The following EPHA6 variants were observed in gnomAD, a reference collection of about 807,000 sequenced individuals.
EPHA6 encodes the protein ephrin type-A receptor 6.
Under a neutral mutation model 112.0 loss-of-function variants are expected in EPHA6, and 50 were observed. That is an observed-to-expected ratio of 0.45 (90% CI 0.36 to 0.56). The LOEUF is 0.56. Among genes scored for constraint, EPHA6 ranks in the 20% least tolerant of loss-of-function variants. EPHA6 has a pLI of 0.00. For synonymous variants in EPHA6, 529 were observed against 490.7 expected, an observed-to-expected ratio of 1.08 and a Z score of -1.03; for missense variants, 1,280 against 1,417.4, an observed-to-expected ratio of 0.90 and a Z score of 1.56.
intron 4 of EPHA6, among the ~76,000 whole-genome samples, chr3:97,229,930 A>G (rs900427258): frequency 1.4e-4 from 22 of 152,134 alleles, no homozygotes; most frequent in Admixed American, 3.9e-4. Context: ...GCAAAATAAA[A>G]CTTCTTAATA....
chr3:97,153,440 C>T (rs1008199669), intron 3 of EPHA6, among the ~76,000 whole-genome samples: 1 of 152,050 alleles, frequency 6.6e-6, no homozygotes, highest in African/African-American at 2.4e-5. Context: ...AATATAAAAG[C>T]AAAGTGATGC....
rs1205066451 is a variant in EPHA6 at position 97,009,314 on chromosome 3, A to G, written c.1114+21321A>G. Among the ~76,000 whole-genome samples, 3 of 152,152 alleles carry G rather than the reference A, an allele frequency of 2.0e-5. No individual in the cohort carries two copies. The East Asian group carries it at 5.8e-4, about 29-fold the overall frequency. On this transcript the variant is annotated intron_variant, in intron 3 of 17. Transcript: ENST00000389672. ...TGTCCCTGATCCTCTGGCTGGAGTTACTGGAGATCCTGCAGGGAAGTCCTG... is the reference window on the plus strand; with the variant it reads ...TGTCCCTGATCCTCTGGCTGGAGTTGCTGGAGATCCTGCAGGGAAGTCCTG...
intron 4 of EPHA6, among the ~76,000 whole-genome samples, chr3:97,230,076 A>G (rs1033106835): frequency 1.3e-5 from 2 of 152,128 alleles, no homozygotes; most frequent in Admixed American, 1.3e-4. Flanking sequence ...AGTTTGTGAT[A>G]TTTCAAATAG....
At chr3:97,207,829 G>T (rs2077754213) in intron 3 of EPHA6, among the ~76,000 whole-genome samples, 1 of 152,122 alleles carries the variant, frequency 6.6e-6, no homozygotes, top group African/African-American at 2.4e-5. Flanking sequence ...AACTGCTTTT[G>T]CAGAAGAGCT....
chr3:97,012,587 G>C (rs1056209856), intron 3 of EPHA6, among the ~76,000 whole-genome samples: 8 of 105,296 alleles, frequency 7.6e-5, no homozygotes, highest in African/African-American at 4.6e-4. Flanking sequence ...ATTTATATAT[G>C]TGTGTGTGTG....
rs182405777 is a variant in EPHA6, at chr3:96,880,352, G to A, written c.450+13463G>A. 2.6e-3 allele frequency among the ~76,000 whole-genome samples: 398 copies of A among 152,134 alleles called. 4 individuals are homozygous for A. Among genetic ancestry groups the A allele is most frequent in the African/African-American group, 9.3e-3 (386 of 41,500 alleles). The stretch of plus-strand genomic sequence containing the variant: ...ATCACAAATCTAAGAAAAGATGTGC[G>A]AGAACATTGCATTGAAAACTACAAA... On this transcript the variant is annotated intron_variant, in intron 2 of 17. Transcript: ENST00000389672.
At chr3:97,509,712 C>T (rs1178687940) in intron 10 of EPHA6, among the ~76,000 whole-genome samples, 2 of 152,048 alleles carry the variant, frequency 1.3e-5, no homozygotes, top group Non-Finnish European at 2.9e-5. Flanking sequence ...TTTTGTATTT[C>T]CTGAATTTGA....
chr3:97,553,462 C>A (rs544015018), intron 11 of EPHA6, among the ~76,000 whole-genome samples: 1 of 152,198 alleles, frequency 6.6e-6, no homozygotes, highest in East Asian at 1.9e-4. Flanking sequence ...TTCTGCATCA[C>A]TGGGGAGGGC....
intron 5 of EPHA6, among the ~76,000 whole-genome samples, chr3:97,390,003 A>G (rs1255614190): frequency 6.6e-6 from 1 of 152,110 alleles, no homozygotes; most frequent in Non-Finnish European, 1.5e-5. Context: ...ACTAGAGAAA[A>G]TGAGGGTAAA....
At chr3:97,372,631 G>A (rs1354283246) in intron 5 of EPHA6, among the ~76,000 whole-genome samples, 1 of 152,054 alleles carries the variant, frequency 6.6e-6, no homozygotes, top group African/African-American at 2.4e-5. Flanking sequence ...AACCAGATGT[G>A]CATGCATTAA....
At chr3:96,852,937 G>C (rs991886396) in intron 1 of EPHA6, among the ~76,000 whole-genome samples, 1 of 152,038 alleles carries the variant, frequency 6.6e-6, no homozygotes, top group Non-Finnish European at 1.5e-5. Context: ...AGGTGACTAG[G>C]ATATAACTGT....
intron 3 of EPHA6, among the ~76,000 whole-genome samples, chr3:97,043,350 G>T (rs1042553806): frequency 6.6e-6 from 1 of 152,038 alleles, no homozygotes; most frequent in Non-Finnish European, 1.5e-5. Flanking sequence ...TCTCTTTCTG[G>T]AACTTTATAA....
chr3:97,062,586 C>T (rs986169307), intron 3 of EPHA6, among the ~76,000 whole-genome samples: 2 of 152,164 alleles, frequency 1.3e-5, no homozygotes, highest in African/African-American at 4.8e-5. Context: ...TCCTATAATT[C>T]CCATGTGTTG....
chr3:97,032,954 C>T (rs1396112846), intron 3 of EPHA6, among the ~76,000 whole-genome samples: 1 of 151,544 alleles, frequency 6.6e-6, no homozygotes, highest in African/African-American at 2.4e-5. Context: ...AAATATTGTG[C>T]CAAAATCATG....
intron 7 of EPHA6, among the ~76,000 whole-genome samples, chr3:97,455,543 CTA>C (rs1679204314): frequency 6.6e-6 from 1 of 151,996 alleles, no homozygotes; most frequent in African/African-American, 2.4e-5. Flanking sequence ...TTCTACATGA[CTA>C]TTTTTTATTA....
rs141624281 is a variant in EPHA6 at position 97,192,471 on chromosome 3, G to C, written c.1115-33793G>C. Among the ~76,000 whole-genome samples, 540 of 152,138 alleles carry C rather than the reference G, an allele frequency of 3.5e-3. 2 individuals carry two copies. The highest frequency in any genetic ancestry group is 6.2e-3 in the Non-Finnish European group (423 of 67,972). On this transcript the variant is annotated intron_variant, in intron 3 of 17. Transcript: ENST00000389672. ...GATATTTTGCCCATTTTTAAACTGG[G>C]TTATCAGATTTTCTCCTGTAGAGTT...
intron 11 of EPHA6, chr3:97,572,741 G>T (rs2093346949): frequency 6.6e-6 from 1 of 152,036 alleles, no homozygotes; most frequent in Admixed American, 6.6e-5. Context: ...TGTCTTCCTT[G>T]TTTCCCCATT....
At chr3:97,611,475 T>G (rs1244100190) in intron 13 of EPHA6, among the ~76,000 whole-genome samples, 1 of 151,894 alleles carries the variant, frequency 6.6e-6, no homozygotes, top group Non-Finnish European at 1.5e-5. Context: ...AAACATAAAC[T>G]GAGAAGGCAC....
intron 5 of EPHA6, among the ~76,000 whole-genome samples, chr3:97,336,831 A>G (rs779914694): frequency 6.6e-6 from 1 of 151,908 alleles, no homozygotes; most frequent in African/African-American, 2.4e-5. Flanking sequence ...GAAAAGAATC[A>G]TGTTTTTCAT....
Sources: gnomAD v4.1 joint callset for allele counts (sites outside exome capture counted in the v4.1 genomes callset) on GRCh38, gnomAD v4.1.1 for gene constraint, MANE v1.5 for transcripts, NCBI Gene and HGNC (gene_info 2026-07-23, HGNC 2026-07-21) for gene names.